FHAD1: variants seen among roughly 807,000 people sequenced by gnomAD.
FHAD1 encodes the protein forkhead associated phosphopeptide binding domain 1.
In FHAD1, 146 loss-of-function variants were observed where a neutral mutation model predicts 191.3. That is an observed-to-expected ratio of 0.76 (90% confidence interval 0.67 to 0.88). The LOEUF (loss-of-function observed/expected upper bound fraction) is 0.88. Among genes scored for constraint, FHAD1 ranks in the 40% least tolerant of loss-of-function variants. The pLI, the probability that FHAD1 is intolerant of heterozygous loss-of-function variation, is 0.00. For synonymous variants in FHAD1, 616 were observed against 672.3 expected, an observed-to-expected ratio of 0.92 and a Z score of 1.29; for missense variants, 1,635 against 1,785.8, an observed-to-expected ratio of 0.92 and a Z score of 1.52.
intron 16 of FHAD1, among the ~76,000 whole-genome samples, chr1:15,343,250 G>A (rs1687489476): frequency 6.6e-6 from 1 of 152,110 alleles, no homozygotes; most frequent in Non-Finnish European, 1.5e-5. Flanking sequence ...TGTGGCCCCT[G>A]CTGTGGGATT....
At chr1:15,246,579 C>T (rs1408537795), upstream of FHAD1, among the ~76,000 whole-genome samples, 1 of 151,504 alleles carries the variant, frequency 6.6e-6, no homozygotes, top group Non-Finnish European at 1.5e-5. Context: ...AGTAACTGTT[C>T]CAGGTGTATT....
chr1:15,271,143 A>G (rs866284156), intron 2 of FHAD1, among the ~76,000 whole-genome samples: 15,571 of 126,564 alleles, frequency 0.12, 1,373 homozygotes, highest in Non-Finnish European at 0.17. Context: ...CATCTCGGAA[A>G]AAAAAAAAAA....
chr1:15,308,691 A>C lies in FHAD1; in HGVS notation c.994A>C (p.Lys332Gln), dbSNP rs1303883234. 6.4e-7 allele frequency: 1 copy of C among 1,551,642 alleles called. No individual in the cohort carries two copies. The highest frequency in any genetic ancestry group is 8.7e-7 in the Non-Finnish European group (1 of 1,147,016). The change falls in exon 7 of 34, where the codon AAG becomes CAG. Residue 332 changes from lysine to glutamine, a missense_variant. Physicochemically the swap from Lys to Gln is moderately conservative, Grantham distance 53 (BLOSUM62 1). Transcript: ENST00000688493. The part of the protein sequence containing the change: ...SERNSEITSL[K>Q]NEGENLKRDN... ...GCGGAACTCAGAAATCACATCCCTG[A>C]AGAATGAGGGCGAGAACTTAAAGAG... is the stretch of plus-strand genomic sequence containing the variant.
In FHAD1 at chr1:15,381,912, C is replaced by A; in HGVS notation, c.4023-116C>A. On this transcript the variant is annotated intron_variant, in intron 30 of 33. Transcript: ENST00000688493. This position sits in a 1 kb window ranked among gnomAD's most constrained non-coding sequence, Gnocchi z 4.6. ...CGTCATGCTCTCCTGCTTGTGATGA[C>A]ACTCCTGAGTGAGCCCCCACTGTGG... is the stretch of plus-strand genomic sequence containing the variant. The A allele has an allele frequency of 8.9e-7, 1 of 1,122,710 alleles. No individual in the cohort carries two copies. Among genetic ancestry groups the A allele is most frequent in the Non-Finnish European group, 1.3e-6 (1 of 788,746 alleles). 69.5% of individuals were successfully genotyped at this position (1,122,710 alleles called of 1,614,324 possible).
In FHAD1 at chr1:15,329,880, C is replaced by T. The variant is rs761507930; in HGVS notation, c.1906+339C>T. On this transcript the variant is annotated intron_variant, in intron 14 of 33. Coordinates refer to ENST00000688493, the MANE Select transcript of FHAD1 (RefSeq NM_001391957.1). This position sits in a 1 kb window ranked among gnomAD's most constrained non-coding sequence, Gnocchi z 5.0. Reference sequence around the variant, plus strand: ...ATTCCAGGCAAGTGACTTACCCTGTCTATGCCTCAGTTTCCCTATCTGTAA... The same window carrying T: ...ATTCCAGGCAAGTGACTTACCCTGTTTATGCCTCAGTTTCCCTATCTGTAA... The T allele has an allele frequency of 4.9e-5, 14 of 287,074 alleles. No individual in the cohort carries two copies. Among genetic ancestry groups the T allele is most frequent in the Non-Finnish European group, 8.8e-5 (13 of 147,438 alleles). The allele number at this position is 287,074 out of a possible 1,614,324, so 17.8% of individuals were successfully genotyped here.
chr1:15,328,393 C>T lies in FHAD1; in HGVS notation c.1674C>T (p.Asn558=), dbSNP rs996366527. The T allele has an allele frequency of 6.5e-7, 1 of 1,544,804 alleles. No homozygotes were observed. Among genetic ancestry groups the T allele is most frequent in the East Asian group, 2.5e-5 (1 of 40,682 alleles). Residue 558 remains asparagine (N), a synonymous_variant, in exon 13 of 34, where the codon AAC becomes AAT. Transcript: ENST00000688493. The part of the protein sequence containing the change: ...SNSKQEETTE[N]IEKLRTSLDS... ...CCAAGCAGGAGGAGACCACCGAGAA[C>T]ATCGAGAAGCTGAGGACGTCGCTGG...
In FHAD1 at chr1:15,362,689, G is replaced by C; in HGVS notation, c.3010G>C (p.Glu1004Gln). ...AGACCCTCTGGTGGCTCCCATGACAGAGAGCAGTGCCAAAGACATGGCGTA... is the reference window on the plus strand; with the variant it reads ...AGACCCTCTGGTGGCTCCCATGACACAGAGCAGTGCCAAAGACATGGCGTA... ...PQDPLVAPMTESSAKDMAYEH... is the reference protein window; with the variant it reads ...PQDPLVAPMTQSSAKDMAYEH... Residue 1004 changes from glutamate (E) to glutamine (Q), a missense_variant, in exon 23 of 34, where the codon GAG (glutamate) becomes CAG (glutamine). By Grantham distance (29) the Glu-to-Gln change is conservative. Transcript: ENST00000688493. The C allele has an allele frequency of 6.4e-7, 1 of 1,551,824 alleles. No homozygotes were observed. Among genetic ancestry groups the C allele is most frequent in the Non-Finnish European group, 8.7e-7 (1 of 1,147,004 alleles).
intron 2 of FHAD1, among the ~76,000 whole-genome samples, chr1:15,262,181 G>T (rs539148354): frequency 3.5e-4 from 53 of 152,314 alleles, no homozygotes; most frequent in African/African-American, 8.9e-4. Flanking sequence ...CTTGTCCCAG[G>T]CTGCACAGCA....
chr1:15,272,698 G>T (rs915253776), intron 3 of FHAD1, among the ~76,000 whole-genome samples, 169 bp downstream of exon 3: 3 of 152,184 alleles, frequency 2.0e-5, no homozygotes, highest in Non-Finnish European at 2.9e-5. Context: ...TCATTCTGGC[G>T]GGTCCCAGGA....
rs1225625576 is a variant in FHAD1 at position 15,313,194 on chromosome 1, A to G, written c.1170+7A>G. On this transcript the variant is annotated splice_region_variant and intron_variant, in intron 8 of 33. Transcript: ENST00000688493. ...GGAAGCCCTTGGCTCTAGAGTGAGT[A>G]AGGATGACTGCGTCACCTTGTAGCC... 7 of 1,551,760 alleles carry G rather than the reference A, an allele frequency of 4.5e-6. No individual in the cohort carries two copies. Among genetic ancestry groups the G allele is most frequent in the South Asian group, 1.2e-5 (1 of 84,066 alleles).
chr1:15,295,634 CAT>C (rs34586844), intron 4 of FHAD1, among the ~76,000 whole-genome samples: 12 of 150,400 alleles, frequency 8.0e-5, no homozygotes, highest in African/African-American at 1.7e-4. Flanking sequence ...TCTCTCTAAA[CAT>C]ATATATATAT....
intron 31 of FHAD1, chr1:15,383,680 CCA>C (rs1006966888): frequency 6.6e-6 from 2 of 304,554 alleles, no homozygotes; most frequent in Non-Finnish European, 1.3e-5. Flanking sequence ...AGGGAAAGAA[CCA>C]CAGTCACTGT....
chr1:15,319,614 T>G (rs1675623972), intron 10 of FHAD1, among the ~76,000 whole-genome samples: 1 of 151,966 alleles, frequency 6.6e-6, no homozygotes, highest in African/African-American at 2.4e-5. Context: ...AAATAATCAC[T>G]TAAAAAAATC....
chr1:15,244,644 T>C (rs1645788162), upstream of FHAD1, among the ~76,000 whole-genome samples: 1 of 152,104 alleles, frequency 6.6e-6, no homozygotes, highest in South Asian at 2.1e-4. The surrounding 1 kb of genome is among the most constrained non-coding windows in gnomAD (Gnocchi z 5.1). Flanking sequence ...TGGCAGGGGC[T>C]TCCCCCTGCA....
At chr1:15,294,510 C>G (rs1367432440) in intron 4 of FHAD1, among the ~76,000 whole-genome samples, 2 of 152,184 alleles carry the variant, frequency 1.3e-5, no homozygotes, top group Non-Finnish European at 2.9e-5. Context: ...TCTCCTGCCT[C>G]AGCCTCCCAA....
At chr1:15,349,874 A>G (rs1690208916) in intron 19 of FHAD1, among the ~76,000 whole-genome samples, 1 of 152,112 alleles carries the variant, frequency 6.6e-6, no homozygotes, top group African/African-American at 2.4e-5. Context: ...CTGGCCCACC[A>G]GACACACCTG....
chr1:15,324,773 T>C (rs1677670896), intron 11 of FHAD1: 2 of 562,906 alleles, frequency 3.6e-6, no homozygotes, highest in Admixed American at 3.0e-5. Context: ...CCCACTCGAA[T>C]AGTTTACGAT....
intron 22 of FHAD1, 43 bp downstream of exon 22, chr1:15,360,746 A>G (rs1302525544): frequency 6.6e-7 from 1 of 1,506,938 alleles, no homozygotes; most frequent in Admixed American, 2.0e-5. Flanking sequence ...TGTTCGGGGC[A>G]GGTTCTGATT....
chr1:15,273,216 A>G (rs564913174), intron 3 of FHAD1, among the ~76,000 whole-genome samples: 1 of 152,318 alleles, frequency 6.6e-6, no homozygotes, highest in East Asian at 1.9e-4. Flanking sequence ...TATTTATTGA[A>G]GTATTATTTG....
Sources: gnomAD v4.1 joint callset for allele counts (sites outside exome capture counted in the v4.1 genomes callset) on GRCh38, gnomAD v4.1.1 for gene constraint, Gnocchi (gnomAD v3.1) non-coding constraint, MANE v1.5 for transcripts, NCBI Gene and HGNC (gene_info 2026-07-23, HGNC 2026-07-21) for gene names.